IL12RB2: variants seen among roughly 807,000 people sequenced by gnomAD.
The protein encoded by IL12RB2 is interleukin-12 receptor subunit beta-2.
A neutral mutation model predicts 89.4 loss-of-function variants in IL12RB2; 82 were observed. The ratio of observed to expected loss-of-function variants is 0.92; its 90% confidence interval spans 0.77 to 1.10. IL12RB2 has a LOEUF of 1.10. Ranked by LOEUF, IL12RB2 falls within the 50% of genes least tolerant of loss-of-function variation. The pLI is 0.00. For synonymous variants in IL12RB2, 368 were observed against 370.1 expected, an observed-to-expected ratio of 0.99 and a Z score of 0.07; for missense variants, 963 against 1,031.9, an observed-to-expected ratio of 0.93 and a Z score of 0.92.
intron 10 of IL12RB2, among the ~76,000 whole-genome samples, chr1:67,364,975 G>T (rs1662519161): frequency 6.6e-6 from 1 of 151,860 alleles, no homozygotes; most frequent in South Asian, 2.1e-4. Flanking sequence ...AGACCACAGG[G>T]GAAATAAACT....
At chr1:67,342,428 T>C (rs1468074979) in intron 9 of IL12RB2, among the ~76,000 whole-genome samples, 1 of 152,096 alleles carries the variant, frequency 6.6e-6, no homozygotes, top group Non-Finnish European at 1.5e-5. Flanking sequence ...ATGTTTACAA[T>C]AGAGGAGAAC....
chr1:67,322,899 C>T (rs1173695468), intron 4 of IL12RB2, among the ~76,000 whole-genome samples: 4 of 152,194 alleles, frequency 2.6e-5, no homozygotes, highest in African/African-American at 9.6e-5. Context: ...CCTTGCAGGT[C>T]CAACCAGGCA....
At position 67,329,666 on chromosome 1, in the gene IL12RB2, T is replaced by G; in HGVS notation, c.744T>G (p.Asp248Glu). 6.3e-7 allele frequency: 1 copy of G among 1,589,374 alleles called. No homozygotes were observed. Among genetic ancestry groups the G allele is most frequent in the Non-Finnish European group, 8.6e-7 (1 of 1,157,416 alleles). ...SVSRCTLYWR[D>E]EGLVLLNRLR... ...GCAGATGTACCCTTTATTGGAGAGATGAGGGACTGGTACTGCTTAATCGAC... is the reference window on the plus strand; with the variant it reads ...GCAGATGTACCCTTTATTGGAGAGAGGAGGGACTGGTACTGCTTAATCGAC... The change falls in exon 7 of 17, where the codon GAT becomes GAG. Residue 248 changes from aspartate (D) to glutamate (E), a missense_variant. Coordinates refer to ENST00000674203, the MANE Select transcript of IL12RB2 (RefSeq NM_001374259.2).
chr1:67,367,960 G>T lies in IL12RB2; in HGVS notation c.1394G>T (p.Gly465Val), dbSNP rs2307153. The T allele has an allele frequency of 6.2e-7, 1 of 1,610,412 alleles. No homozygotes were observed. Among genetic ancestry groups the T allele is most frequent in the South Asian group, 1.1e-5 (1 of 91,012 alleles). The change falls in exon 11 of 17, where the codon GGT (glycine) becomes GTT (valine). Residue 465 changes from glycine to valine, a missense_variant. Physicochemically the swap from Gly to Val is moderately radical, Grantham distance 109. Coordinates refer to ENST00000674203, the MANE Select transcript of IL12RB2 (RefSeq NM_001374259.2). ...GAATGGAGAGAGCTCCATCCAGGGG[G>T]TGACACACAGGTCCCTCTAAACTGG... is the stretch of plus-strand genomic sequence containing the variant. Reference protein sequence around the residue: ...VVEWRELHPGGDTQVPLNWLR... With the variant: ...VVEWRELHPGVDTQVPLNWLR...
chr1:67,338,336 C>CAAAAAAAAAAAAAAA (rs572505092), intron 8 of IL12RB2, among the ~76,000 whole-genome samples: 7 of 40,112 alleles, frequency 1.7e-4, no homozygotes, highest in Non-Finnish European at 1.7e-4. Context: ...GATCCTGTCT[C>CAAAAAAAAAAAAAAA]AAAAAAAAAA....
At chr1:67,384,045 G>T (rs911395379) in intron 14 of IL12RB2, among the ~76,000 whole-genome samples, 6 of 152,208 alleles carry the variant, frequency 3.9e-5, no homozygotes. Context: ...ACCATTCTAG[G>T]GTCTGGAGGA....
At position 67,360,065 on chromosome 1, in the gene IL12RB2, A is replaced by C. The variant is rs148774925; in HGVS notation, c.1259-7760A>C. 3.3e-5 allele frequency among the ~76,000 whole-genome samples: 5 copies of C among 152,226 alleles called. No individual in the cohort carries two copies. In the East Asian group the frequency reaches 9.7e-4, roughly 29 times the overall value. On this transcript the variant is annotated intron_variant, in intron 10 of 16. Coordinates refer to ENST00000674203, the MANE Select transcript of IL12RB2 (RefSeq NM_001374259.2). ...AGAGTTAAAATCTCCACTGGGGATC[A>C]GTCATAGGAGGTCCTCACAGTTTTG...
At chr1:67,339,481 C>T (rs1011304628) in intron 9 of IL12RB2, among the ~76,000 whole-genome samples, 4 of 139,222 alleles carry the variant, frequency 2.9e-5, no homozygotes, top group African/African-American at 1.1e-4. Context: ...AGTGAGACTA[C>T]GTTTCAAAAA....
chr1:67,369,230 G>A (rs1663025951), intron 11 of IL12RB2, among the ~76,000 whole-genome samples: 1 of 152,164 alleles, frequency 6.6e-6, no homozygotes. Context: ...CAAGTTATTA[G>A]GAGCCTGGAA....
chr1:67,372,602 G>A (rs773286128), intron 12 of IL12RB2, 23 bp from the exon 13 acceptor site: 4 of 1,611,872 alleles, frequency 2.5e-6, no homozygotes, highest in Non-Finnish European at 3.4e-6. Flanking sequence ...GGTGACAGAA[G>A]CCTCCTGTGC....
chr1:67,331,587 C>T (rs1347507466), intron 8 of IL12RB2, among the ~76,000 whole-genome samples: 1 of 152,138 alleles, frequency 6.6e-6, no homozygotes, highest in Non-Finnish European at 1.5e-5. Context: ...GGCCTGTAAT[C>T]CCAGCACATT....
chr1:67,368,456 T>C (rs1662945937), intron 11 of IL12RB2, among the ~76,000 whole-genome samples: 1 of 152,228 alleles, frequency 6.6e-6, no homozygotes, highest in African/African-American at 2.4e-5. Context: ...ATGGCCATTA[T>C]ATAAATGAGG....
intron 14 of IL12RB2, among the ~76,000 whole-genome samples, chr1:67,386,141 G>A (rs1036533903): frequency 1.4e-5 from 2 of 144,508 alleles, no homozygotes; most frequent in Non-Finnish European, 3.0e-5. Context: ...CCCGGGAGGC[G>A]GAGATTGCAG....
chr1:67,352,449 T>C (rs1179436497), intron 10 of IL12RB2, among the ~76,000 whole-genome samples: 1 of 152,190 alleles, frequency 6.6e-6, no homozygotes, highest in African/African-American at 2.4e-5. Context: ...GCTCTAGCTA[T>C]TTCCTTCTAG....
intron 13 of IL12RB2, among the ~76,000 whole-genome samples, chr1:67,374,503 T>C (rs1450121535): frequency 6.7e-6 from 1 of 149,594 alleles, no homozygotes; most frequent in East Asian, 2.0e-4. Flanking sequence ...TCATACGGAG[T>C]CTTGCTCTGT....
intron 16 of IL12RB2, among the ~76,000 whole-genome samples, chr1:67,392,756 G>A (rs534484281): frequency 1.4e-4 from 21 of 149,690 alleles, no homozygotes; most frequent in Non-Finnish European, 2.9e-4. Flanking sequence ...TCAGTCTCCT[G>A]AGTAGCTGGG....
At chr1:67,347,781 G>A (rs1660397158) in intron 9 of IL12RB2, among the ~76,000 whole-genome samples, 1 of 152,194 alleles carries the variant, frequency 6.6e-6, no homozygotes, top group African/African-American at 2.4e-5. Flanking sequence ...TCTTAGCACT[G>A]TCAGAGAAGG....
Position 67,395,739 on chromosome 1 carries a change from G to T in IL12RB2, c.2239G>T (p.Ala747Ser). ...CTCTGAGAAAGACATGATGCACAGT[G>T]CCTCAAGCCCACCACCTCCAAGAGC... ...QASEKDMMHS[A>S]SSPPPPRALQ... Residue 747 changes from alanine (A) to serine (S), a missense_variant, in exon 17 of 17, where the codon GCC (alanine) becomes TCC (serine). Coordinates refer to ENST00000674203, the MANE Select transcript of IL12RB2 (RefSeq NM_001374259.2). 2 of 1,614,100 alleles carry T rather than the reference G, an allele frequency of 1.2e-6. No individual in the cohort carries two copies. The highest frequency in any genetic ancestry group is 2.2e-5 in the South Asian group (2 of 91,082).
intron 1 of IL12RB2, among the ~76,000 whole-genome samples, chr1:67,309,492 G>A (rs1043034867): frequency 1.3e-5 from 2 of 152,148 alleles, no homozygotes; most frequent in African/African-American, 4.8e-5. Flanking sequence ...GTGGCTAAGA[G>A]CTAACACTTT....
Sources: allele counts gnomAD v4.1 joint callset (sites outside exome capture counted in the v4.1 genomes callset), GRCh38; gene constraint gnomAD v4.1.1; transcripts MANE v1.5; gene names NCBI Gene and HGNC (gene_info 2026-07-23, HGNC 2026-07-21).